The following PAX5 variants were observed in gnomAD, a reference collection of about 807,000 sequenced individuals.
PAX5 encodes paired box protein Pax-5.
A neutral mutation model predicts 43.7 loss-of-function variants in PAX5; 9 were observed. The ratio of observed to expected loss-of-function variants is 0.21; its 90% CI spans 0.12 to 0.36. PAX5 has a LOEUF of 0.36. Among genes scored for constraint, PAX5 ranks in the 10% least tolerant of loss-of-function variants. The pLI is 1.00. For missense variants in PAX5, 383 were observed against 532.7 expected, an observed-to-expected ratio of 0.72 and a Z score of 2.77; for synonymous variants, 228 against 214.3, an observed-to-expected ratio of 1.06 and a Z score of -0.56.
At chr9:36,860,089 A>G (rs1228464464) in intron 8 of PAX5, among the ~76,000 whole-genome samples, 1 of 151,344 alleles carries the variant, frequency 6.6e-6, no homozygotes, top group Admixed American at 6.6e-5. Context: ...CTGTAATTCC[A>G]GCATTCTGGG....
At chr9:36,930,002 C>G (rs143020143) in intron 6 of PAX5, among the ~76,000 whole-genome samples, 6 of 151,068 alleles carry the variant, frequency 4.0e-5, no homozygotes, top group African/African-American at 1.5e-4. Context: ...CTGGGATTTA[C>G]AGGCATGAGA....
At chr9:36,977,681 C>A (rs947120883) in intron 5 of PAX5, among the ~76,000 whole-genome samples, 2 of 152,198 alleles carry the variant, frequency 1.3e-5, no homozygotes, top group Non-Finnish European at 2.9e-5. Flanking sequence ...CAGGTATGCA[C>A]CACCACACCC....
chr9:36,928,902 C>T (rs568808030), intron 6 of PAX5, among the ~76,000 whole-genome samples: 2 of 152,296 alleles, frequency 1.3e-5, no homozygotes, highest in African/African-American at 2.4e-5. Flanking sequence ...CAATTCAACA[C>T]CAGTAAAGTG....
intron 8 of PAX5, among the ~76,000 whole-genome samples, chr9:36,879,914 G>C (rs992561026): frequency 1.3e-5 from 2 of 152,190 alleles, no homozygotes; most frequent in African/African-American, 4.8e-5. Context: ...ATCTGCCACA[G>C]GTCCATCCTT....
intron 5 of PAX5, among the ~76,000 whole-genome samples, chr9:36,980,543 C>A (rs1835823288): frequency 1.3e-5 from 2 of 152,192 alleles, no homozygotes; most frequent in Admixed American, 6.5e-5. Context: ...CCAGATTCCC[C>A]AGTCTCTGTT....
chr9:37,002,949 T>C (rs1932928888), intron 4 of PAX5, 173 bp from the exon 5 acceptor site: 2 of 695,306 alleles, frequency 2.9e-6, no homozygotes, highest in South Asian at 2.1e-5. Flanking sequence ...AGCGCAGGCC[T>C]CGGGCGGGCC....
At chr9:36,975,295 G>A (rs1835318333) in intron 5 of PAX5, among the ~76,000 whole-genome samples, 1 of 152,208 alleles carries the variant, frequency 6.6e-6, no homozygotes, top group African/African-American at 2.4e-5. Context: ...GTACAGAACA[G>A]TGGGGAAGCC....
intron 6 of PAX5, among the ~76,000 whole-genome samples, chr9:36,929,277 G>GGAAGGAACGAAGGAAC (rs1554666319): frequency 1.3e-5 from 2 of 149,998 alleles, no homozygotes; most frequent in African/African-American, 5.0e-5. Flanking sequence ...AAGGAAGGAA[G>GGAAGGAACGAAGGAAC]GAAGGAAGGA....
intron 7 of PAX5, among the ~76,000 whole-genome samples, chr9:36,901,198 C>G (rs1200192165): frequency 6.6e-6 from 1 of 152,132 alleles, no homozygotes; most frequent in East Asian, 1.9e-4. Context: ...AGGTCTGCCC[C>G]CAGGTCTTTG....
rs59855424 is a variant in PAX5 at position 36,863,252 on chromosome 9, T to C, written c.1013-16323A>G. On this transcript the variant is annotated intron_variant, in intron 8 of 9. Coordinates refer to ENST00000358127, the MANE Select transcript of PAX5 (RefSeq NM_016734.3). ...GACCCGCCTGGGTTCTTTTTTTCAA[T>C]CTGTATTTATTTTATTCTTTTATTT... Among the ~76,000 whole-genome samples, 771 of 152,212 alleles carry C rather than the reference T, an allele frequency of 5.1e-3. 5 individuals carry two copies. Among genetic ancestry groups the C allele is most frequent in the African/African-American group, 0.018 (746 of 41,540 alleles).
intron 7 of PAX5, among the ~76,000 whole-genome samples, chr9:36,893,691 G>A (rs562262936): frequency 4.6e-5 from 7 of 152,334 alleles, no homozygotes; most frequent in Admixed American, 1.3e-4. Context: ...CAAGGACAGA[G>A]ACAGGAAAAC....
rs78026385 is a variant in PAX5 at position 36,937,939 on chromosome 9, C to T, written c.781-14455G>A. ...CACTGTTAGCACCATTAAGGAAAAA[C>T]CAGGCATGTGACTGTTTGCTTAGTT... On this transcript the variant is annotated intron_variant, in intron 6 of 9. Coordinates refer to ENST00000358127, the MANE Select transcript of PAX5 (RefSeq NM_016734.3). Among the ~76,000 whole-genome samples, 56 of 152,248 alleles carry T rather than the reference C, an allele frequency of 3.7e-4. 1 individual carries two copies. The East Asian group carries it at 0.011, about 29-fold the overall frequency.
In PAX5 at chr9:36,896,001, C is replaced by A. The variant is rs377436518; in HGVS notation, c.911-13896G>T. 2.6e-5 allele frequency among the ~76,000 whole-genome samples: 4 copies of A among 152,258 alleles called. No homozygotes were observed. The South Asian group carries it at 8.3e-4, about 32-fold the overall frequency. On this transcript the variant is annotated intron_variant, in intron 7 of 9. Coordinates refer to ENST00000358127, the MANE Select transcript of PAX5 (RefSeq NM_016734.3). ...ACCCCGCACTTCCTCACTGTGCCCTCGGGCAGGTCCCCTCTCCTCTGTAAA... is the reference window on the plus strand; with the variant it reads ...ACCCCGCACTTCCTCACTGTGCCCTAGGGCAGGTCCCCTCTCCTCTGTAAA...
At chr9:36,992,119 C>T (rs1269064989) in intron 5 of PAX5, among the ~76,000 whole-genome samples, 8 of 129,764 alleles carry the variant, frequency 6.2e-5, no homozygotes, top group African/African-American at 2.0e-4. Context: ...ACACACCTCG[C>T]CCCCACCCCC....
intron 8 of PAX5, among the ~76,000 whole-genome samples, chr9:36,880,319 G>A (rs548426615): frequency 3.7e-4 from 56 of 152,342 alleles, no homozygotes; most frequent in Admixed American, 1.2e-3. Flanking sequence ...ACAGAGAGCC[G>A]GGCCTCAGGC....
chr9:36,956,544 C>A (rs1454680370), intron 6 of PAX5, among the ~76,000 whole-genome samples: 1 of 152,180 alleles, frequency 6.6e-6, no homozygotes, highest in Non-Finnish European at 1.5e-5. Flanking sequence ...AAGCCCAGAA[C>A]CCCACGCTTT....
intron 1 of PAX5, among the ~76,000 whole-genome samples, chr9:37,026,003 A>C (rs3824345): frequency 6.6e-6 from 1 of 151,682 alleles, no homozygotes; most frequent in African/African-American, 2.4e-5. Flanking sequence ...CCCCTCCTCA[A>C]CTCCAGGACG....
In PAX5 at chr9:36,833,528, T is replaced by C. The variant is rs1236907001; in HGVS notation, c.*7032A>G. The stretch of plus-strand genomic sequence containing the variant: ...TTCAGGTTTGACAAGGAAAAAAAAG[T>C]AAAAAAAAAATTAAACCAAAACCCC... On this transcript the variant is annotated 3_prime_UTR_variant, in exon 10 of 10. Coordinates refer to ENST00000358127, the MANE Select transcript of PAX5 (RefSeq NM_016734.3). 1 of 224,230 alleles carries C rather than the reference T, an allele frequency of 4.5e-6. No individual in the cohort carries two copies. Among genetic ancestry groups the C allele is most frequent in the Non-Finnish European group, 8.8e-6 (1 of 113,470 alleles). 13.9% of individuals were successfully genotyped at this position (224,230 alleles called of 1,614,324 possible).
At chr9:36,955,783 AT>A (rs56017066) in intron 6 of PAX5, among the ~76,000 whole-genome samples, 71,000 of 123,798 alleles carry the variant, frequency 0.57, 19,215 homozygotes, top group East Asian at 0.66. Context: ...AAAAAAAAAA[AT>A]ATATATATAT....
Sources: gnomAD v4.1 joint callset for allele counts (sites outside exome capture counted in the v4.1 genomes callset) on GRCh38, gnomAD v4.1.1 for gene constraint, MANE v1.5 for transcripts, NCBI Gene and HGNC (gene_info 2026-07-23, HGNC 2026-07-21) for gene names.